FSTL5: variants seen among roughly 807,000 people sequenced by gnomAD.
The protein encoded by FSTL5 is follistatin like 5.
In FSTL5, 62 loss-of-function variants were observed where a neutral mutation model predicts 89.1. The ratio of observed to expected loss-of-function variants is 0.70; its 90% CI spans 0.57 to 0.86. The LOEUF is 0.86. Ranked by LOEUF, FSTL5 falls within the 40% of genes least tolerant of loss-of-function variation. FSTL5 has a pLI of 0.00. For missense variants in FSTL5, 1,057 were observed against 1,001.6 expected, an observed-to-expected ratio of 1.06 and a Z score of -0.75; for synonymous variants, 383 against 346.2, an observed-to-expected ratio of 1.11 and a Z score of -1.18.
At chr4:161,461,458 C>A (rs1733578232) in intron 13 of FSTL5, among the ~76,000 whole-genome samples, 1 of 34,280 alleles carries the variant, frequency 2.9e-5, no homozygotes, top group Non-Finnish European at 5.2e-5. Flanking sequence ...AAGACTCCGT[C>A]TCAAAAAAAA....
At chr4:161,681,620 C>T (rs1326244030) in intron 6 of FSTL5, among the ~76,000 whole-genome samples, 1 of 151,878 alleles carries the variant, frequency 6.6e-6, no homozygotes, top group Non-Finnish European at 1.5e-5. Flanking sequence ...ATATCTGTAA[C>T]ATATTGTAAG....
rs1292243283 is a variant in FSTL5 at position 161,642,972 on chromosome 4, A to G, written c.894+13356T>C. On this transcript the variant is annotated intron_variant, in intron 7 of 15. Transcript: ENST00000306100. ...AATTTTATGCTATGTGTATTCAACC[A>G]CAATTTAAAAATTAGAAAAAATCAA... 2.6e-5 allele frequency among the ~76,000 whole-genome samples: 4 copies of G among 152,194 alleles called. No individual in the cohort carries two copies. In the East Asian group the frequency reaches 7.7e-4, roughly 29 times the overall value.
chr4:161,832,306 T>C lies in FSTL5; in HGVS notation c.410-56232A>G, dbSNP rs562261935. The stretch of plus-strand genomic sequence containing the variant: ...TGGGAGGTGAGACGATCCTTCCAGA[T>C]AGCAAGAACTGCAAGAAATCGTGGA... On this transcript the variant is annotated intron_variant, in intron 4 of 15. Transcript: ENST00000306100. 5.3e-5 allele frequency among the ~76,000 whole-genome samples: 8 copies of C among 152,212 alleles called. No homozygotes were observed. The East Asian group carries it at 1.5e-3, about 29-fold the overall frequency.
intron 3 of FSTL5, among the ~76,000 whole-genome samples, chr4:161,940,185 A>T (rs1035293278): frequency 5.9e-5 from 9 of 151,826 alleles, no homozygotes; most frequent in African/African-American, 2.2e-4. Flanking sequence ...AGATTTTAGC[A>T]AGCAGAAAAC....
At chr4:161,682,867 T>G (rs1276585403) in intron 6 of FSTL5, among the ~76,000 whole-genome samples, 1 of 151,938 alleles carries the variant, frequency 6.6e-6, no homozygotes, top group Non-Finnish European at 1.5e-5. Flanking sequence ...CTGCCTTAGC[T>G]TCCCAAGTAG....
rs774888249 is a variant in FSTL5 at position 161,459,212 on chromosome 4, C to T, written c.1716G>A (p.Gln572=). 1 of 1,517,224 alleles carries T rather than the reference C, an allele frequency of 6.6e-7. No individual in the cohort carries two copies. Among genetic ancestry groups the T allele is most frequent in the Non-Finnish European group, 9.2e-7 (1 of 1,092,014 alleles). 94.0% of individuals were successfully genotyped at this position (1,517,224 alleles called of 1,614,324 possible). A position where few individuals can be genotyped will look rare whatever the true frequency, so the allele number is the denominator to read the frequency against. The change falls in exon 14 of 16, where the codon CAG becomes CAA. Residue 572 remains glutamine, a splice_region_variant and synonymous_variant. Transcript: ENST00000306100. The part of the protein sequence containing the change: ...GTLEKTSPTL[Q]VITLASGNVP... Reference sequence around the variant, plus strand: ...CTCTAATATACTGAAATGTACTTACCTGTAGTGTTGGTGATGTCTTCTCCA... The same window carrying T: ...CTCTAATATACTGAAATGTACTTACTTGTAGTGTTGGTGATGTCTTCTCCA...
rs147575266 is a variant in FSTL5 at position 161,455,026 on chromosome 4, T to C, written c.1819A>G (p.Thr607Ala). Residue 607 changes from threonine to alanine, a missense_variant, in exon 15 of 16, where the codon ACA becomes GCA. By Grantham distance (58) the Thr-to-Ala change is moderately conservative. Transcript: ENST00000306100. Reference protein sequence around the residue: ...RVDDFFIPTTTLIITHMRFGF... With the variant: ...RVDDFFIPTTALIITHMRFGF... The stretch of plus-strand genomic sequence containing the variant: ...TACCTCATATGGGTGATAATGAGTG[T>C]TGTGGTGGGAATGAAAAAATCATCC... 1.3e-4 allele frequency: 205 copies of C among 1,613,650 alleles called. No homozygotes were observed. In the East Asian group the frequency reaches 3.1e-3, roughly 25 times the overall value.
chr4:161,796,019 T>A (rs1729622944), intron 4 of FSTL5, among the ~76,000 whole-genome samples: 1 of 151,930 alleles, frequency 6.6e-6, no homozygotes. Flanking sequence ...CAATATCAGA[T>A]TTTTTTCATT....
chr4:162,114,529 GACACACACACAC>G (rs9308041), intron 1 of FSTL5, among the ~76,000 whole-genome samples: 16,988 of 148,952 alleles, frequency 0.11, 1,069 homozygotes, highest in Non-Finnish European at 0.14. Context: ...TTTGTGTGTG[GACACACACACAC>G]ACACACACAC....
intron 1 of FSTL5, among the ~76,000 whole-genome samples, chr4:162,154,875 AC>A (rs1177653759): frequency 6.6e-6 from 1 of 152,174 alleles, no homozygotes; most frequent in African/African-American, 2.4e-5. Context: ...ATTAGGAAGA[AC>A]AGCCTACGAC....
At chr4:162,080,457 G>A (rs1730049581) in intron 2 of FSTL5, among the ~76,000 whole-genome samples, 1 of 151,582 alleles carries the variant, frequency 6.6e-6, no homozygotes, top group East Asian at 1.9e-4. Flanking sequence ...GAATGAATCT[G>A]ATGTCCATTA....
chr4:161,542,498 T>C (rs181792498), intron 9 of FSTL5, 34 bp downstream of exon 9: 639 of 1,320,406 alleles, frequency 4.8e-4, no homozygotes, highest in Admixed American at 9.9e-4. Context: ...TTCAACATGG[T>C]CATTTAAGAG....
At chr4:161,457,271 T>C (rs538273426) in intron 14 of FSTL5, among the ~76,000 whole-genome samples, 1 of 152,346 alleles carries the variant, frequency 6.6e-6, no homozygotes, top group South Asian at 2.1e-4. Context: ...TTCTTGTGTA[T>C]ACCTTTTTAA....
chr4:161,887,655 T>C (rs924499703), intron 4 of FSTL5, among the ~76,000 whole-genome samples: 2 of 152,166 alleles, frequency 1.3e-5, no homozygotes, highest in Non-Finnish European at 2.9e-5. Flanking sequence ...CCGTGATTTT[T>C]CTACCTAAAA....
intron 4 of FSTL5, among the ~76,000 whole-genome samples, chr4:161,859,472 A>G (rs1380173020): frequency 6.6e-6 from 1 of 152,226 alleles, no homozygotes; most frequent in African/African-American, 2.4e-5. Context: ...TCTCTGAAAC[A>G]TAACTCAATG....
rs892303349 is a variant in FSTL5, at chr4:161,538,199, A to G, written c.1279T>C (p.Ser427Pro). ...CTAGCAGAGTCTTCCACAAAAAGAG[A>G]AGAGATGTCTTCATCCACTCCTGCT... The part of the protein sequence containing the change: ...NEAGVDEDIS[S>P]LFVEDSARKT... The change falls in exon 10 of 16, where the codon TCT becomes CCT. Residue 427 changes from serine (S) to proline (P), a missense_variant. Physicochemically the swap from Ser to Pro is moderately conservative, Grantham distance 74. Around this residue, in one of 3 missense-constraint regions of FSTL5, gnomAD observed 980 missense variants for 903.2 expected, o/e 1.08. Transcript: ENST00000306100. The G allele has an allele frequency of 4.3e-6, 7 of 1,614,024 alleles. No individual in the cohort carries two copies. The highest frequency in any genetic ancestry group is 3.3e-4 in the Middle Eastern group (2 of 6,060).
chr4:161,835,803 A>C (rs1417303631), intron 4 of FSTL5, among the ~76,000 whole-genome samples: 5 of 152,042 alleles, frequency 3.3e-5, no homozygotes, highest in Non-Finnish European at 7.4e-5. Context: ...GTCAGGAAAC[A>C]ACAGGTGCTG....
intron 12 of FSTL5, among the ~76,000 whole-genome samples, chr4:161,483,621 GATTAT>G (rs767235459): frequency 6.6e-6 from 1 of 152,008 alleles, no homozygotes; most frequent in Non-Finnish European, 1.5e-5. Flanking sequence ...TATTATTTCT[GATTAT>G]ATTATATTAT....
chr4:161,935,352 T>C (rs560700773), intron 3 of FSTL5, among the ~76,000 whole-genome samples: 1 of 152,276 alleles, frequency 6.6e-6, no homozygotes, highest in East Asian at 1.9e-4. Flanking sequence ...GCAGAATCTT[T>C]GCCTTTCCTC....
Sources: gnomAD v4.1 joint callset for allele counts (sites outside exome capture counted in the v4.1 genomes callset) on GRCh38, gnomAD v4.1.1 for gene constraint, gnomAD v4.1.1 regional missense constraint, MANE v1.5 for transcripts, NCBI Gene and HGNC (gene_info 2026-07-23, HGNC 2026-07-21) for gene names.